The following PFKFB3 variants were observed in gnomAD, a reference collection of about 807,000 sequenced individuals.
The protein encoded by PFKFB3 is 6-phosphofructo-2-kinase/fructose-2,6-bisphosphatase 3.
A neutral mutation model predicts 68.0 loss-of-function variants in PFKFB3; 33 were observed. The observed-to-expected ratio is 0.49, with a 90% CI of 0.37 to 0.65. The LOEUF is 0.65. PFKFB3 is among the 30% of genes least tolerant of loss of function. PFKFB3 has a pLI of 0.00. For missense variants in PFKFB3, 586 were observed against 712.2 expected, an observed-to-expected ratio of 0.82 and a Z score of 2.02; for synonymous variants, 315 against 288.2, an observed-to-expected ratio of 1.09 and a Z score of -0.94.
At chr10:6,183,426 C>T (rs1842774067) in intron 1 of PFKFB3, among the ~76,000 whole-genome samples, 1 of 151,914 alleles carries the variant, frequency 6.6e-6, no homozygotes, top group South Asian at 2.1e-4. Flanking sequence ...AGAATGCTTG[C>T]AGTCAGGTGC....
At chr10:6,197,041 A>G (rs937370003) in intron 1 of PFKFB3, among the ~76,000 whole-genome samples, 1 of 151,784 alleles carries the variant, frequency 6.6e-6, no homozygotes, top group South Asian at 2.1e-4. Flanking sequence ...CTGGAGTGCA[A>G]TGGCGTGATC....
intron 1 of PFKFB3, among the ~76,000 whole-genome samples, chr10:6,188,062 T>C (rs532982133): frequency 6.6e-6 from 1 of 152,158 alleles, no homozygotes; most frequent in South Asian, 2.1e-4. Context: ...TATATGGATA[T>C]ATGTGTGTAC....
chr10:6,155,859 A>G (rs1010785644), intron 1 of PFKFB3, among the ~76,000 whole-genome samples: 1 of 152,228 alleles, frequency 6.6e-6, no homozygotes, highest in African/African-American at 2.4e-5. Flanking sequence ...CATGGAAAGA[A>G]AGAATAAGAA....
At chr10:6,321,985 A>G in the PFKFB3 span, among the ~76,000 whole-genome samples, 139,863 of 152,180 alleles carry the variant, frequency 0.92, 64,336 homozygotes, top group Middle Eastern at 0.97. Context: ...ACCTCTATTC[A>G]TTTCCATGAA....
At chr10:6,256,393 A>C (rs1846496901), downstream of PFKFB3, among the ~76,000 whole-genome samples, 3 of 152,156 alleles carry the variant, frequency 2.0e-5, no homozygotes, top group South Asian at 6.2e-4. Context: ...AAAAGAAAAA[A>C]GGATGGAGTC....
At chr10:6,268,593 C>T in the PFKFB3 span, among the ~76,000 whole-genome samples, 4 of 151,760 alleles carry the variant, frequency 2.6e-5, no homozygotes, top group Admixed American at 1.3e-4. Flanking sequence ...CCACTGCACT[C>T]CAGCCTGGGT....
At chr10:6,321,535 C>A in the PFKFB3 span, among the ~76,000 whole-genome samples, 2 of 152,104 alleles carry the variant, frequency 1.3e-5, no homozygotes, top group African/African-American at 2.4e-5. Context: ...TCATCTTATT[C>A]TGTGTCTTGT....
chr10:6,208,371 CTTTTTTTTTTT>C (rs35447462), intron 1 of PFKFB3, among the ~76,000 whole-genome samples: 4 of 60,624 alleles, frequency 6.6e-5, no homozygotes, highest in South Asian at 7.9e-4. Context: ...GGTACCTGGC[CTTTTTTTTTTT>C]TTTTTTTTTT....
intron 14 of PFKFB3, among the ~76,000 whole-genome samples, chr10:6,251,105 A>G (rs1385415651): frequency 1.3e-5 from 2 of 152,260 alleles, no homozygotes; most frequent in African/African-American, 4.8e-5. Context: ...CCATTGAACC[A>G]GGAAAACCCA....
At chr10:6,291,779 A>G in the PFKFB3 span, among the ~76,000 whole-genome samples, 1 of 152,124 alleles carries the variant, frequency 6.6e-6, no homozygotes, top group Admixed American at 6.5e-5. Context: ...TTTGCGTTTT[A>G]GAAAGGCAGC....
Position 6,228,083 on chromosome 10 carries a change from C to T in PFKFB3, c.1515+1718C>T. 12 of 1,172,424 alleles carry T rather than the reference C, an allele frequency of 1.0e-5. No individual in the cohort carries two copies. The highest frequency in any genetic ancestry group is 1.5e-5 in the Non-Finnish European group (12 of 788,426). 72.6% of individuals were successfully genotyped at this position (1,172,424 alleles called of 1,614,324 possible). Reference sequence around the variant, plus strand: ...GACAGTCCTTCAGGGTGGCCAGGTTCTTAGGGACGTCTGAAGCTGCTGGCT... The same window carrying T: ...GACAGTCCTTCAGGGTGGCCAGGTTTTTAGGGACGTCTGAAGCTGCTGGCT... On this transcript the variant is annotated intron_variant, in intron 14 of 14. Coordinates refer to ENST00000379775, the MANE Select transcript of PFKFB3 (RefSeq NM_004566.4). This position sits in a 1 kb window ranked among gnomAD's most constrained non-coding sequence, Gnocchi z 4.5.
intron 14 of PFKFB3, among the ~76,000 whole-genome samples, chr10:6,253,529 C>CCAGG (rs1846426957): frequency 6.6e-6 from 1 of 152,076 alleles, no homozygotes; most frequent in African/African-American, 2.4e-5. Context: ...TGGATTTGTC[C>CCAGG]CAGGCCAGGG....
chr10:6,157,319 T>C (rs933277406), intron 1 of PFKFB3, among the ~76,000 whole-genome samples: 19 of 151,246 alleles, frequency 1.3e-4, no homozygotes, highest in Admixed American at 4.6e-4. Flanking sequence ...CTCCACCTCC[T>C]GGGTTCACGC....
the PFKFB3 span, among the ~76,000 whole-genome samples, chr10:6,286,376 A>ATTAT: frequency 1.3e-5 from 2 of 149,486 alleles, no homozygotes; most frequent in African/African-American, 4.9e-5. Context: ...CTTTTATTTT[A>ATTAT]TTATTTATTT....
downstream of PFKFB3, among the ~76,000 whole-genome samples, chr10:6,256,671 C>T (rs970287419): frequency 2.0e-5 from 3 of 152,186 alleles, no homozygotes; most frequent in South Asian, 2.1e-4. Flanking sequence ...TTTAACGTGA[C>T]GAAGCTTCTG....
At chr10:6,219,470 C>A in intron 6 of PFKFB3, 99 bp from the exon 7 acceptor site, 1 of 1,288,662 alleles carries the variant, frequency 7.8e-7, no homozygotes, top group Non-Finnish European at 1.1e-6. Flanking sequence ...TTATACTGAG[C>A]CTTCTGTGCG....
At chr10:6,208,767 C>CG (rs1247068818) in intron 1 of PFKFB3, among the ~76,000 whole-genome samples, 1 of 152,092 alleles carries the variant, frequency 6.6e-6, no homozygotes, top group South Asian at 2.1e-4. Flanking sequence ...AGTAGGAACC[C>CG]GGGGGTGCCA....
intron 1 of PFKFB3, among the ~76,000 whole-genome samples, chr10:6,179,257 G>C (rs1360407765): frequency 6.6e-6 from 1 of 152,248 alleles, no homozygotes; most frequent in African/African-American, 2.4e-5. Flanking sequence ...GCTGGAATTT[G>C]AACCTGGCAG....
At chr10:6,293,202 G>A in the PFKFB3 span, 45 of 470,162 alleles carry the variant, frequency 9.6e-5, no homozygotes, top group Non-Finnish European at 1.6e-4. Flanking sequence ...ATAGTAACTC[G>A]AGTCCCAGAT....
Sources: allele counts gnomAD v4.1 joint callset (sites outside exome capture counted in the v4.1 genomes callset), GRCh38; gene constraint gnomAD v4.1.1; non-coding constraint Gnocchi (gnomAD v3.1); transcripts MANE v1.5; gene names NCBI Gene and HGNC (gene_info 2026-07-23, HGNC 2026-07-21).